The following CASQ2 variants were observed in gnomAD, a reference collection of about 807,000 sequenced individuals.
CASQ2 encodes calsequestrin-2.
In CASQ2, 49 loss-of-function variants were observed where a neutral mutation model predicts 46.5. The ratio of observed to expected loss-of-function variants is 1.05; its 90% CI spans 0.84 to 1.34. The LOEUF (loss-of-function observed/expected upper bound fraction) is 1.34, where lower values mean the gene tolerates loss of function less well. CASQ2 is among the 40% of genes most tolerant of loss of function. The pLI, the probability that CASQ2 is intolerant of heterozygous loss-of-function variation, is 0.00. For synonymous variants in CASQ2, 174 were observed against 168.5 expected (o/e 1.03, Z -0.25); for missense variants, 486 against 481.3 (o/e 1.01, Z -0.09).
chr1:115,742,220 T>C (rs1318401065), intron 2 of CASQ2, among the ~76,000 whole-genome samples: 1 of 151,342 alleles, frequency 6.6e-6, no homozygotes, highest in Non-Finnish European at 1.5e-5. Flanking sequence ...ATATTTTTTA[T>C]ATATGAAAAA....
intron 1 of CASQ2, among the ~76,000 whole-genome samples, chr1:115,760,795 G>A (rs1158629865): frequency 2.0e-5 from 3 of 152,140 alleles, no homozygotes; most frequent in Non-Finnish European, 4.4e-5. Context: ...CTAAGAACAC[G>A]TGTAAAAGTT....
intron 1 of CASQ2, among the ~76,000 whole-genome samples, chr1:115,746,152 C>A (rs2101102754): frequency 8.6e-6 from 1 of 116,498 alleles, no homozygotes; most frequent in Admixed American, 1.1e-4. Context: ...TTGCATGTAT[C>A]GATACGCTGT....
intron 3 of CASQ2, among the ~76,000 whole-genome samples, chr1:115,739,239 G>A (rs1648082946): frequency 6.6e-6 from 1 of 150,470 alleles, no homozygotes; most frequent in Admixed American, 6.6e-5. Flanking sequence ...AGCCTCCCGA[G>A]TAGCTGGGAC....
At position 115,717,862 on chromosome 1, in the gene CASQ2, G is replaced by A; in HGVS notation, c.816C>T (p.Ala272=). The A allele has an allele frequency of 6.2e-7, 1 of 1,611,838 alleles. No individual in the cohort carries two copies. Among genetic ancestry groups the A allele is most frequent in the South Asian group, 1.1e-5 (1 of 91,036 alleles). The change falls in exon 8 of 11, where the codon GCC becomes GCT. Residue 272 remains alanine, a synonymous_variant. Transcript: ENST00000261448. Reference sequence around the variant, plus strand: ...TACCTGGATCACTCTTCTCTGCAAAGGCCACAATGTGGATCCCATTCAAAT... The same window carrying A: ...TACCTGGATCACTCTTCTCTGCAAAAGCCACAATGTGGATCCCATTCAAAT... The part of the protein sequence containing the change: ...EDDLNGIHIV[A]FAEKSDPDGY...
rs757490947 is a variant in CASQ2 at position 115,738,355 on chromosome 1, TAC to T, written c.421-22_421-21del. ...AATTAGCTGAAATGCCACACGCACA[TAC>T]ACACATGTTCAAACAAGAGATTTCC... is the stretch of plus-strand genomic sequence containing the variant. On this transcript the variant is annotated intron_variant, in intron 3 of 10. Coordinates refer to ENST00000261448, the MANE Select transcript of CASQ2 (RefSeq NM_001232.4). 2 of 1,376,640 alleles carry T rather than the reference TAC, an allele frequency of 1.5e-6. No individual in the cohort carries two copies. The highest frequency in any genetic ancestry group is 3.3e-5 in the Admixed American group (2 of 59,708). 85.3% of individuals were successfully genotyped at this position (1,376,640 alleles called of 1,614,324 possible).
intron 1 of CASQ2, among the ~76,000 whole-genome samples, chr1:115,756,447 A>G (rs185900264): frequency 1.6e-3 from 245 of 152,346 alleles, no homozygotes; most frequent in Non-Finnish European, 2.8e-3. Flanking sequence ...CACTAAAGCT[A>G]AGCTGACAAT....
intron 5 of CASQ2, among the ~76,000 whole-genome samples, chr1:115,728,573 C>A (rs527393717): frequency 1.3e-5 from 2 of 152,106 alleles, no homozygotes; most frequent in African/African-American, 4.8e-5. Flanking sequence ...ATTCTAGGAA[C>A]CAGAAGACTG....
intron 8 of CASQ2, among the ~76,000 whole-genome samples, chr1:115,711,696 C>T (rs755166585): frequency 2.0e-5 from 3 of 151,576 alleles, no homozygotes; most frequent in East Asian, 1.9e-4. Flanking sequence ...ACTCTGTCAC[C>T]GAGGCTGGAG....
intron 8 of CASQ2, among the ~76,000 whole-genome samples, chr1:115,713,813 G>T (rs1355209660): frequency 1.3e-5 from 2 of 152,160 alleles, no homozygotes; most frequent in Non-Finnish European, 2.9e-5. Flanking sequence ...TTTGGAGTTG[G>T]TGTGATAGGG....
At chr1:115,719,702 TG>T (rs1195637900) in intron 7 of CASQ2, among the ~76,000 whole-genome samples, 1 of 152,052 alleles carries the variant, frequency 6.6e-6, no homozygotes, top group Non-Finnish European at 1.5e-5. Context: ...CCAGAACCCA[TG>T]GGCAAGCTGG....
chr1:115,758,176 G>A (rs1161937115), intron 1 of CASQ2, among the ~76,000 whole-genome samples: 1 of 152,180 alleles, frequency 6.6e-6, no homozygotes, highest in Non-Finnish European at 1.5e-5. Flanking sequence ...AATAGGTTTG[G>A]GTTCAAACTC....
At chr1:115,759,757 T>C (rs1294513716) in intron 1 of CASQ2, among the ~76,000 whole-genome samples, 6 of 152,236 alleles carry the variant, frequency 3.9e-5, no homozygotes, top group Non-Finnish European at 7.3e-5. Context: ...ATGGTTTCCA[T>C]TAAACATCAT....
intron 4 of CASQ2, 140 bp from the exon 5 acceptor site, chr1:115,733,114 T>A: frequency 1.7e-6 from 1 of 578,158 alleles, no homozygotes; most frequent in Non-Finnish European, 3.0e-6. Context: ...TACATAGATG[T>A]TATTTAATAT....
At position 115,768,576 on chromosome 1, in the gene CASQ2, C is replaced by T. The variant is rs747029273; in HGVS notation, c.-35G>A. On this transcript the variant is annotated 5_prime_UTR_variant, in exon 1 of 11. Transcript: ENST00000261448. The stretch of plus-strand genomic sequence containing the variant: ...CTTTTGTTTCTCGTTCCCAAATATG[C>T]TGTGTGCAGAATAGAGGACAGAAGA... 3 of 1,396,028 alleles carry T rather than the reference C, an allele frequency of 2.1e-6. No individual in the cohort carries two copies. Among genetic ancestry groups the T allele is most frequent in the Admixed American group, 1.7e-5 (1 of 57,566 alleles). The allele number at this position is 1,396,028 out of a possible 1,614,324, so 86.5% of individuals were successfully genotyped here.
chr1:115,766,888 T>C (rs1649150005), intron 1 of CASQ2, among the ~76,000 whole-genome samples: 1 of 151,326 alleles, frequency 6.6e-6, no homozygotes, highest in Non-Finnish European at 1.5e-5. Context: ...GATAGATAGA[T>C]AGATAGATAG....
At position 115,761,528 on chromosome 1, in the gene CASQ2, A is replaced by AGAAGAAGAAGAAGAAGAAGAAGAAG. The variant is rs1553197305; in HGVS notation, c.234+6779_234+6780insCTTCTTCTTCTTCTTCTTCTTCTTC. On this transcript the variant is annotated intron_variant, in intron 1 of 10. Coordinates refer to ENST00000261448, the MANE Select transcript of CASQ2 (RefSeq NM_001232.4). ...AAGAAGAAGAAGAAGAAGAAGAAGA[A>AGAAGAAGAAGAAGAAGAAGAAGAAG]GAGTTCATAAAGTGCACATGAGTCT... Among the ~76,000 whole-genome samples the AGAAGAAGAAGAAGAAGAAGAAGAAG allele has an allele frequency of 8.4e-4, 66 of 78,784 alleles. 3 individuals are homozygous for AGAAGAAGAAGAAGAAGAAGAAGAAG. The highest frequency in any genetic ancestry group is 1.2e-3 in the African/African-American group (26 of 21,960). The allele number at this position is 78,784 out of a possible 152,430, so 51.7% of individuals were successfully genotyped here. A position where few individuals can be genotyped will look rare whatever the true frequency, so the allele number is the denominator to read the frequency against.
chr1:115,700,850 A>G lies in CASQ2; in HGVS notation c.*391T>C, dbSNP rs1221727747. The G allele has an allele frequency of 1.7e-6, 1 of 585,018 alleles. No homozygotes were observed. Among genetic ancestry groups the G allele is most frequent in the Non-Finnish European group, 3.0e-6 (1 of 331,278 alleles). The allele number at this position is 585,018 out of a possible 1,614,324, so 36.2% of individuals were successfully genotyped here. A position where few individuals can be genotyped will look rare whatever the true frequency, so the allele number is the denominator to read the frequency against. Reference sequence around the variant, plus strand: ...TGGGCTCTGATTAAAAGGTCACTCTATGCCTGTGAGTTAGAAAGCTGTCAA... The same window carrying G: ...TGGGCTCTGATTAAAAGGTCACTCTGTGCCTGTGAGTTAGAAAGCTGTCAA... On this transcript the variant is annotated 3_prime_UTR_variant, in exon 11 of 11. Transcript: ENST00000261448.
intron 1 of CASQ2, among the ~76,000 whole-genome samples, chr1:115,751,398 G>A (rs969083404): frequency 6.8e-5 from 10 of 147,708 alleles, no homozygotes; most frequent in Admixed American, 2.1e-4. Context: ...GGCCGGGCGC[G>A]GTGGCTCACG....
At chr1:115,745,686 G>A (rs1419603811) in intron 1 of CASQ2, among the ~76,000 whole-genome samples, 3 of 152,090 alleles carry the variant, frequency 2.0e-5, no homozygotes, top group Non-Finnish European at 4.4e-5. Flanking sequence ...GTTTGAACAG[G>A]GACTTGAAAC....
Sources: gnomAD v4.1 joint callset for allele counts (sites outside exome capture counted in the v4.1 genomes callset) on GRCh38, gnomAD v4.1.1 for gene constraint, MANE v1.5 for transcripts, NCBI Gene and HGNC (gene_info 2026-07-23, HGNC 2026-07-21) for gene names.